The following ACER3 variants were observed in gnomAD, a reference collection of about 807,000 sequenced individuals.
ACER3 encodes the protein alkCDase 3.
In ACER3, 16 loss-of-function variants were observed where a neutral mutation model predicts 48.9. The ratio of observed to expected loss-of-function variants is 0.33; its 90% CI spans 0.22 to 0.50. The LOEUF (loss-of-function observed/expected upper bound fraction) is 0.50, where lower values mean the gene tolerates loss of function less well. ACER3 is among the 20% of genes least tolerant of loss of function. The pLI is 0.98. For missense variants in ACER3, 227 were observed against 326.0 expected (o/e 0.70, Z 2.34); for synonymous variants, 109 against 107.8 (o/e 1.01, Z -0.07).
chr11:77,014,846 G>A (rs148120137), intron 7 of ACER3, among the ~76,000 whole-genome samples, 170 bp from the exon 8 acceptor site: 28 of 152,254 alleles, frequency 1.8e-4, no homozygotes, highest in Non-Finnish European at 3.8e-4. Flanking sequence ...ACAGGAATTC[G>A]AGGCTGGAAT....
chr11:76,927,135 T>C (rs1054097807), intron 2 of ACER3, among the ~76,000 whole-genome samples: 2 of 152,252 alleles, frequency 1.3e-5, no homozygotes, highest in African/African-American at 4.8e-5. Context: ...TATGTATGTA[T>C]ATATCCTTAG....
rs1427598124 is a variant in ACER3, at chr11:76,948,211, C to CTGTGTATG, written c.215-10763_215-10762insATGTGTGT. ...TGCTGTAGCTCCATTCTGGCTCACT[C>CTGTGTATG]TGTGTGTGTGTGTGTGTGTGTGTGT... On this transcript the variant is annotated intron_variant, in intron 2 of 10. Transcript: ENST00000532485. Among the ~76,000 whole-genome samples, 190 of 135,760 alleles carry CTGTGTATG rather than the reference C, an allele frequency of 1.4e-3. 4 individuals are homozygous for CTGTGTATG. The highest frequency in any genetic ancestry group is 4.3e-3 in the African/African-American group (158 of 37,132). 89.1% of individuals were successfully genotyped at this position (135,760 alleles called of 152,430 possible).
At chr11:76,960,530 T>C (rs1295502580) in intron 3 of ACER3, among the ~76,000 whole-genome samples, 1 of 152,198 alleles carries the variant, frequency 6.6e-6, no homozygotes, top group Non-Finnish European at 1.5e-5. Context: ...TTAAATCTGG[T>C]TATTATACCT....
intron 2 of ACER3, among the ~76,000 whole-genome samples, chr11:76,936,907 G>A (rs1404677751): frequency 6.6e-6 from 1 of 151,782 alleles, no homozygotes; most frequent in Non-Finnish European, 1.5e-5. Flanking sequence ...AGTAGAGATG[G>A]GATTTCCCCA....
Position 77,020,439 on chromosome 11 carries a change from G to T in ACER3, c.*112G>T. 1 of 1,264,682 alleles carries T rather than the reference G, an allele frequency of 7.9e-7. No homozygotes were observed. Among genetic ancestry groups the T allele is most frequent in the Non-Finnish European group, 1.1e-6 (1 of 905,070 alleles). 78.3% of individuals were successfully genotyped at this position (1,264,682 alleles called of 1,614,324 possible). A position where few individuals can be genotyped will look rare whatever the true frequency, so the allele number is the denominator to read the frequency against. On this transcript the variant is annotated 3_prime_UTR_variant, in exon 11 of 11. Coordinates refer to ENST00000532485, the MANE Select transcript of ACER3 (RefSeq NM_018367.7). ...AATATGTCATGACCATCACAGCAGA[G>T]GAGTGACTTTCTGACTAATGCTGCC...
At chr11:76,968,329 G>A (rs1948193257) in intron 3 of ACER3, among the ~76,000 whole-genome samples, 3 of 152,070 alleles carry the variant, frequency 2.0e-5, no homozygotes, top group South Asian at 4.2e-4. Context: ...CATGCTCATG[G>A]GTAGGAAGAA....
intron 1 of ACER3, among the ~76,000 whole-genome samples, chr11:76,892,875 T>C (rs1167379231): frequency 6.6e-6 from 1 of 152,122 alleles, no homozygotes; most frequent in Non-Finnish European, 1.5e-5. Flanking sequence ...GGTCAAATTG[T>C]CCCTGTTTGT....
In ACER3 at chr11:76,976,284, T is replaced by G. The variant is rs769463860; in HGVS notation, c.268-5T>G. On this transcript the variant is annotated splice_polypyrimidine_tract_variant and splice_region_variant and intron_variant, in intron 3 of 10. Coordinates refer to ENST00000532485, the MANE Select transcript of ACER3 (RefSeq NM_018367.7). ...AAGCCTGTTATCTATCTTTGTTTCT[T>G]ACAGCTATTGGATGAACTCCCAATG... is the stretch of plus-strand genomic sequence containing the variant. The G allele has an allele frequency of 4.6e-5, 73 of 1,601,878 alleles. No individual in the cohort carries two copies. The highest frequency in any genetic ancestry group is 6.1e-5 in the Non-Finnish European group (71 of 1,171,590).
intron 1 of ACER3, among the ~76,000 whole-genome samples, chr11:76,878,868 T>A (rs1039461125): frequency 5.9e-5 from 9 of 152,110 alleles, no homozygotes; most frequent in African/African-American, 1.7e-4. Context: ...CTGGAGTGTG[T>A]GTAGTGGTAT....
intron 1 of ACER3, among the ~76,000 whole-genome samples, chr11:76,909,751 C>A (rs1029613967): frequency 6.6e-6 from 1 of 152,036 alleles, no homozygotes; most frequent in Non-Finnish European, 1.5e-5. Context: ...ACCATTTGAC[C>A]CAGCAATCCC....
chr11:76,892,870 A>C (rs1406368374), intron 1 of ACER3, among the ~76,000 whole-genome samples: 10 of 152,206 alleles, frequency 6.6e-5, no homozygotes, highest in Non-Finnish European at 1.2e-4. Context: ...GAGGAGGTCA[A>C]ATTGTCCCTG....
chr11:76,980,659 AC>A (rs1948564697), intron 4 of ACER3, among the ~76,000 whole-genome samples: 1 of 152,148 alleles, frequency 6.6e-6, no homozygotes, highest in Non-Finnish European at 1.5e-5. Context: ...TACCTAGGGG[AC>A]AGAGCAAGAC....
chr11:76,864,594 G>GTTTTTTTTTT (rs376935274), intron 1 of ACER3, among the ~76,000 whole-genome samples: 1 of 76,132 alleles, frequency 1.3e-5, no homozygotes, highest in South Asian at 4.5e-4. Context: ...TATGGAATGG[G>GTTTTTTTTTT]TATTTTTTTT....
At chr11:76,982,001 A>G (rs1209614133) in intron 4 of ACER3, among the ~76,000 whole-genome samples, 1 of 152,184 alleles carries the variant, frequency 6.6e-6, no homozygotes, top group Non-Finnish European at 1.5e-5. Context: ...TTCTACTGGC[A>G]ATATATGAAA....
At chr11:76,883,761 C>G (rs1483042870) in intron 1 of ACER3, among the ~76,000 whole-genome samples, 1 of 152,060 alleles carries the variant, frequency 6.6e-6, no homozygotes, top group Non-Finnish European at 1.5e-5. Context: ...TGCTTTTTAA[C>G]TTGTTTAGCA....
chr11:76,948,361 C>T (rs554186930), intron 2 of ACER3, among the ~76,000 whole-genome samples: 4 of 152,062 alleles, frequency 2.6e-5, no homozygotes, highest in Admixed American at 6.5e-5. Flanking sequence ...CAATTTAAAA[C>T]GCTCTTTTTA....
chr11:76,887,924 T>C (rs1292227035), intron 1 of ACER3, among the ~76,000 whole-genome samples: 1 of 147,752 alleles, frequency 6.8e-6, no homozygotes, highest in Admixed American at 6.8e-5. Context: ...ACTCAAGCCA[T>C]CTTCCTGCCT....
At chr11:77,016,144 A>G (rs1183456245) in intron 8 of ACER3, among the ~76,000 whole-genome samples, 1 of 151,664 alleles carries the variant, frequency 6.6e-6, no homozygotes, top group Non-Finnish European at 1.5e-5. Context: ...CAGAGGCAGG[A>G]AAAAAGAGGG....
chr11:76,988,143 T>G (rs4460836), intron 5 of ACER3, among the ~76,000 whole-genome samples: 108,189 of 152,086 alleles, frequency 0.71, 38,887 homozygotes, highest in Non-Finnish European at 0.77. Context: ...GTACAATGAA[T>G]ATTGAGAGCT....
Sources: gnomAD v4.1 joint callset for allele counts (sites outside exome capture counted in the v4.1 genomes callset) on GRCh38, gnomAD v4.1.1 for gene constraint, MANE v1.5 for transcripts, NCBI Gene and HGNC (gene_info 2026-07-23, HGNC 2026-07-21) for gene names.